DNAH5: variants seen among roughly 807,000 people sequenced by gnomAD.
DNAH5 encodes dynein axonemal heavy chain 5, also known as axonemal beta dynein heavy chain 5.
DNAH5 carries 372 observed loss-of-function variants against 518.2 expected under a neutral mutation model. The ratio of observed to expected loss-of-function variants is 0.72; its 90% CI spans 0.66 to 0.78. The LOEUF (loss-of-function observed/expected upper bound fraction) is 0.78, where lower values mean the gene tolerates loss of function less well. Among genes scored for constraint, DNAH5 ranks in the 30% least tolerant of loss-of-function variants. The probability of loss-of-function intolerance (pLI) is 0.00; values close to 1 mark genes in which losing one functional copy is unlikely to be tolerated. For missense variants in DNAH5, 5,523 were observed against 5,687.0 expected, an observed-to-expected ratio of 0.97 and a Z score of 0.93; for synonymous variants, 2,039 against 2,025.9, an observed-to-expected ratio of 1.01 and a Z score of -0.17.
intron 21 of DNAH5, among the ~76,000 whole-genome samples, chr5:13,880,257 G>A (rs1322966031): frequency 6.6e-6 from 1 of 152,154 alleles, no homozygotes. Flanking sequence ...CAAAAGCTGA[G>A]AGAGTTTATC....
intron 17 of DNAH5, among the ~76,000 whole-genome samples, chr5:13,890,531 A>G (rs16902891): frequency 0.015 from 2,317 of 152,270 alleles, 62 homozygotes; most frequent in African/African-American, 0.051. Context: ...TGCCTCTCTC[A>G]GGATTCCCAG....
intron 38 of DNAH5, among the ~76,000 whole-genome samples, chr5:13,825,000 G>A (rs1345064065): frequency 3.3e-5 from 5 of 152,184 alleles, no homozygotes; most frequent in East Asian, 1.9e-4. Context: ...AATTAAAAAC[G>A]GAACGATATG....
intron 70 of DNAH5, among the ~76,000 whole-genome samples, chr5:13,721,680 A>G (rs1226223480): frequency 6.6e-6 from 1 of 152,220 alleles, no homozygotes; most frequent in Non-Finnish European, 1.5e-5. Context: ...TATTTTTATG[A>G]AATATATTGG....
At chr5:13,713,877 C>A (rs1443235438) in intron 75 of DNAH5, among the ~76,000 whole-genome samples, 2 of 151,922 alleles carry the variant, frequency 1.3e-5, no homozygotes, top group Non-Finnish European at 2.9e-5. Context: ...AAAAAGATGT[C>A]AAAAAATTAA....
At chr5:13,969,433 C>A (rs1320328033) in intron 1 of DNAH5, among the ~76,000 whole-genome samples, 2 of 152,092 alleles carry the variant, frequency 1.3e-5, no homozygotes, top group Admixed American at 1.3e-4. Flanking sequence ...CTCTCTCAGA[C>A]CTTCTGCTGT....
rs546347474 is a variant in DNAH5, at chr5:14,007,081, G to A, written c.12+4567C>T. On this transcript the variant is annotated intron_variant, in intron 1 of 78. Transcript: ENST00000681290. ...GCAAGGCTGTCAGCTCCACCCAGGC[G>A]AGGACTCTTGTCTGTTTCTTCCCTG... Among the ~76,000 whole-genome samples the A allele has an allele frequency of 3.3e-5, 5 of 152,296 alleles. No homozygotes were observed. The East Asian group carries it at 7.7e-4, about 24-fold the overall frequency.
At chr5:13,743,860 GA>G (rs1236072459) in intron 65 of DNAH5, among the ~76,000 whole-genome samples, 12 of 152,082 alleles carry the variant, frequency 7.9e-5, no homozygotes, top group African/African-American at 2.4e-4. Flanking sequence ...CTGTGTGTGG[GA>G]ATGTAAACTA....
intron 1 of DNAH5, among the ~76,000 whole-genome samples, chr5:13,951,214 T>G (rs1280629111): frequency 2.6e-5 from 2 of 77,884 alleles, no homozygotes. Context: ...TTTCGTTTTT[T>G]TTTTTTTTTT....
rs572238951 is a variant in DNAH5, at chr5:13,938,010, T to C, written c.57+6372A>G. Among the ~76,000 whole-genome samples the C allele has an allele frequency of 3.9e-5, 6 of 152,282 alleles. No individual in the cohort carries two copies. In the South Asian group the frequency reaches 1.2e-3, roughly 32 times the overall value. ...GTGGTCAACCTTGTTCCAAAAATGT[T>C]AAATGGATAATTCCAGAAATAAACA... On this transcript the variant is annotated intron_variant, in intron 1 of 78. Transcript: ENST00000265104.
intron 1 of DNAH5, among the ~76,000 whole-genome samples, chr5:13,964,286 T>C (rs1781389939): frequency 6.6e-6 from 1 of 152,162 alleles, no homozygotes; most frequent in Admixed American, 6.5e-5. Flanking sequence ...AAAACGGGCC[T>C]TTTGAGCCCC....
At chr5:13,843,251 C>T (rs1765525791) in intron 32 of DNAH5, among the ~76,000 whole-genome samples, 1 of 152,132 alleles carries the variant, frequency 6.6e-6, no homozygotes, top group Non-Finnish European at 1.5e-5. Context: ...TTCCTTGCCC[C>T]CTTTCATTCC....
At chr5:13,948,193 G>A (rs982059599), upstream of DNAH5, among the ~76,000 whole-genome samples, 9 of 152,234 alleles carry the variant, frequency 5.9e-5, no homozygotes, top group Admixed American at 4.6e-4. Context: ...GCAACTTGCA[G>A]GAAGGATGTT....
intron 6 of DNAH5, 74 bp from the exon 7 acceptor site, chr5:13,919,426 CAAAT>C: frequency 6.4e-7 from 1 of 1,550,946 alleles, no homozygotes; most frequent in East Asian, 2.3e-5. Context: ...AAGCAAAAAA[CAAAT>C]AAGGAAATCA....
chr5:13,911,575 T>C lies in DNAH5; in HGVS notation c.1537-82A>G, dbSNP rs542140047. ...AAATATGACCCTTAAATGTAGAGCC[T>C]ATACAATAATTGCCAGAAAAAAAAT... On this transcript the variant is annotated intron_variant, in intron 11 of 78. Coordinates refer to ENST00000265104, the MANE Select transcript of DNAH5 (RefSeq NM_001369.3). 18 of 1,066,002 alleles carry C rather than the reference T, an allele frequency of 1.7e-5. No individual in the cohort carries two copies. In the South Asian group the frequency reaches 2.1e-4, roughly 12 times the overall value. The allele number at this position is 1,066,002 out of a possible 1,614,324, so 66.0% of individuals were successfully genotyped here.
At chr5:13,785,515 C>T (rs1478116803) in intron 52 of DNAH5, among the ~76,000 whole-genome samples, 1 of 152,142 alleles carries the variant, frequency 6.6e-6, no homozygotes, top group South Asian at 2.1e-4. Context: ...TGGTAAAATA[C>T]ACATAATCTA....
At chr5:13,916,752 C>T (rs1383419989) in intron 8 of DNAH5, among the ~76,000 whole-genome samples, 1 of 151,796 alleles carries the variant, frequency 6.6e-6, no homozygotes, top group Non-Finnish European at 1.5e-5. Context: ...TAATGTTGTA[C>T]TAAGTAAAAG....
At chr5:13,781,097 G>T in intron 52 of DNAH5, 138 bp from the exon 53 acceptor site, 2 of 1,011,480 alleles carry the variant, frequency 2.0e-6, no homozygotes, top group South Asian at 1.4e-5. Flanking sequence ...GAGACACACT[G>T]GTTGAAGGAA....
intron 1 of DNAH5, among the ~76,000 whole-genome samples, chr5:13,991,644 GT>G (rs1376046769): frequency 6.6e-6 from 1 of 151,920 alleles, no homozygotes; most frequent in African/African-American, 2.4e-5. Flanking sequence ...TGAGGAAGGA[GT>G]CAGGAGGAAA....
chr5:13,737,148 G>C (rs958343174), intron 66 of DNAH5, 104 bp downstream of exon 66: 4 of 1,549,830 alleles, frequency 2.6e-6, no homozygotes. Flanking sequence ...CCTCCACTTT[G>C]CATAATCATT....
Sources: gnomAD v4.1 joint callset for allele counts (sites outside exome capture counted in the v4.1 genomes callset) on GRCh38, gnomAD v4.1.1 for gene constraint, MANE v1.5 for transcripts, NCBI Gene and HGNC (gene_info 2026-07-23, HGNC 2026-07-21) for gene names.